BSX: variants seen among roughly 807,000 people sequenced by gnomAD.
The protein encoded by BSX is brain-specific homeobox protein homolog.
Under a neutral mutation model 16.9 loss-of-function variants are expected in BSX, and 12 were observed. The observed-to-expected ratio is 0.71, with a 90% CI of 0.46 to 1.15. The LOEUF (loss-of-function observed/expected upper bound fraction) is 1.15, where lower values mean the gene tolerates loss of function less well. Among genes scored for constraint, BSX ranks in the 50% most tolerant of loss-of-function variants. The pLI, the probability that BSX is intolerant of heterozygous loss-of-function variation, is 0.00. For synonymous variants in BSX, 160 were observed against 136.4 expected, an observed-to-expected ratio of 1.17 and a Z score of -1.20; for missense variants, 292 against 311.8, an observed-to-expected ratio of 0.94 and a Z score of 0.48.
At chr11:122,978,795 C>CTTTTTTTTTTTT (rs35567142) in intron 2 of BSX, among the ~76,000 whole-genome samples, 36 of 64,776 alleles carry the variant, frequency 5.6e-4, no homozygotes, top group East Asian at 1.1e-3. Flanking sequence ...TTTTTCTTTT[C>CTTTTTTTTTTTT]TTTTTTTTTT....
intron 2 of BSX, among the ~76,000 whole-genome samples, chr11:122,978,146 C>CTAA (rs1864521338): frequency 6.6e-6 from 1 of 152,148 alleles, no homozygotes; most frequent in Non-Finnish European, 1.5e-5. Context: ...ATTAGAACTA[C>CTAA]TAATAGTAGG....
At chr11:122,979,825 G>C (rs2135401166) in intron 1 of BSX, among the ~76,000 whole-genome samples, 1 of 152,262 alleles carries the variant, frequency 6.6e-6, no homozygotes, top group South Asian at 2.1e-4. Context: ...GCCTGGCCAA[G>C]TTTTTTGCAA....
Position 122,979,420 on chromosome 11 carries a change from G to T in BSX, c.300C>A (p.His100Gln). The T allele has an allele frequency of 6.2e-7, 1 of 1,613,420 alleles. No individual in the cohort carries two copies. Among genetic ancestry groups the T allele is most frequent in the East Asian group, 2.2e-5 (1 of 44,856 alleles). The change falls in exon 2 of 3, where the codon CAC becomes CAA. Residue 100 changes from histidine (H) to glutamine (Q), a missense_variant. Physicochemically the swap from His to Gln is conservative, Grantham distance 24. Around this residue, in one of 3 missense-constraint regions of BSX, gnomAD observed 176 missense variants for 187.2 expected, o/e 0.94. Transcript: ENST00000343035. ...GGCAGTGCTTCCCCGGCAGCTCCGCGTGCTGCGGGTGCGGGAACAGCGCTG... is the reference window on the plus strand; with the variant it reads ...GGCAGTGCTTCCCCGGCAGCTCCGCTTGCTGCGGGTGCGGGAACAGCGCTG... The part of the protein sequence containing the change: ...PVPALFPHPQ[H>Q]AELPGKHCRR...
rs375774927 is a variant in BSX at position 122,979,365 on chromosome 11, C to T, written c.355G>A (p.Asp119Asn). 6.8e-6 allele frequency: 11 copies of T among 1,614,028 alleles called. No homozygotes were observed. Among genetic ancestry groups the T allele is most frequent in the Admixed American group, 1.7e-5 (1 of 60,014 alleles). The change falls in exon 2 of 3, where the codon GAC becomes AAC. Residue 119 changes from aspartate (D) to asparagine (N), a missense_variant. By Grantham distance (23) the Asp-to-Asn change is conservative (BLOSUM62 1). Coordinates refer to ENST00000343035, the MANE Select transcript of BSX (RefSeq NM_001098169.2). Reference protein sequence around the residue: ...RRRKARTVFSDSQLSGLEKRF... With the variant: ...RRRKARTVFSNSQLSGLEKRF... ...TTCTCCAAGCCCGAGAGCTGCGAGT[C>T]AGAGAAAACCGTGCGGGCTTTGCGG...
Position 122,981,598 on chromosome 11 carries a change from A to T in BSX, c.74T>A (p.Ile25Asn). ...QRPTSFFIED[I>N]LLHKPKPLRE... ...CAGCGGCTTGGGCTTGTGCAGCAGG[A>T]TGTCCTCGATGAAGAAGGATGTGGG... Residue 25 changes from isoleucine (I) to asparagine (N), a missense_variant, in exon 1 of 3, where the codon ATC (isoleucine) becomes AAC (asparagine). Physicochemically the swap from Ile to Asn is moderately radical, Grantham distance 149. This residue lies in a region of BSX where 176 missense variants were observed against 187.2 expected (regional missense o/e 0.94). Transcript: ENST00000343035. The T allele has an allele frequency of 6.3e-7, 1 of 1,598,338 alleles. No individual in the cohort carries two copies. Among genetic ancestry groups the T allele is most frequent in the Non-Finnish European group, 8.5e-7 (1 of 1,172,748 alleles).
At chr11:122,979,574 A>G in intron 1 of BSX, 117 bp from the exon 2 acceptor site, 3 of 796,742 alleles carry the variant, frequency 3.8e-6, no homozygotes, top group Non-Finnish European at 5.8e-6. Context: ...CGCCTCCGTC[A>G]GTCTGCTCGC....
rs1222461481 is a variant in BSX, at chr11:122,979,427, G to GC, written c.292_293insG (p.Pro98ArgfsTer22). On this transcript the variant is annotated frameshift_variant, in exon 2 of 3. Coordinates refer to ENST00000343035, the MANE Select transcript of BSX (RefSeq NM_001098169.2). LOFTEE classifies it high-confidence loss of function. ...CTTCCCCGGCAGCTCCGCGTGCTGC[G>GC]GGTGCGGGAACAGCGCTGGGACTGG... The GC allele has an allele frequency of 6.2e-7, 1 of 1,613,284 alleles. No individual in the cohort carries two copies.
At position 122,977,722 on chromosome 11, in the gene BSX, A is replaced by G; in HGVS notation, c.629T>C (p.Val210Ala). 1 of 1,613,148 alleles carries G rather than the reference A, an allele frequency of 6.2e-7. No homozygotes were observed. The highest frequency in any genetic ancestry group is 8.5e-7 in the Non-Finnish European group (1 of 1,179,764). The part of the protein sequence containing the change: ...ARLSLPAGPF[V>A]LTEPEDEVDI... ...CACCTCGTCCTCTGGCTCGGTCAGC[A>G]CGAAGGGACCGGCGGGCAGGCTCAG... The change falls in exon 3 of 3, where the codon GTG becomes GCG. Residue 210 changes from valine to alanine, a missense_variant. Transcript: ENST00000343035. The surrounding 1 kb of genome is among the most constrained non-coding windows in gnomAD (Gnocchi z 4.5).
At position 122,977,638 on chromosome 11, in the gene BSX, A is replaced by T. The variant is rs2135399540; in HGVS notation, c.*11T>A. 6.2e-7 allele frequency: 1 copy of T among 1,604,784 alleles called. No homozygotes were observed. Among genetic ancestry groups the T allele is most frequent in the Middle Eastern group, 2.0e-4 (1 of 5,010 alleles). ...TCCTCCCCTGCCTACTACCCTCCCC[A>T]GCCTGGCGGCTCAGAGCACGTGCGG... On this transcript the variant is annotated 3_prime_UTR_variant, in exon 3 of 3. Coordinates refer to ENST00000343035, the MANE Select transcript of BSX (RefSeq NM_001098169.2). The surrounding 1 kb of genome is among the most constrained non-coding windows in gnomAD (Gnocchi z 4.5).
Position 122,981,812 on chromosome 11 carries a change from G to A in BSX, c.-141C>T. The A allele has an allele frequency of 1.1e-6, 1 of 880,170 alleles. No homozygotes were observed. Among genetic ancestry groups the A allele is most frequent in the Non-Finnish European group, 1.7e-6 (1 of 598,144 alleles). 54.5% of individuals were successfully genotyped at this position (880,170 alleles called of 1,614,324 possible). A position where few individuals can be genotyped will look rare whatever the true frequency, so the allele number is the denominator to read the frequency against. On this transcript the variant is annotated 5_prime_UTR_variant, in exon 1 of 3. Transcript: ENST00000343035. Reference sequence around the variant, plus strand: ...CTCTCTCCCGGGCCTGGGCTACCCCGGGCGCTGGAGAGGCAAGAAGACAAG... The same window carrying A: ...CTCTCTCCCGGGCCTGGGCTACCCCAGGCGCTGGAGAGGCAAGAAGACAAG...
chr11:122,980,546 T>C (rs2135401559), intron 1 of BSX, among the ~76,000 whole-genome samples: 1 of 152,194 alleles, frequency 6.6e-6, no homozygotes, highest in Middle Eastern at 3.4e-3. Flanking sequence ...TGTTGCCGCC[T>C]CTGAGCTATG....
At position 122,979,426 on chromosome 11, in the gene BSX, C is replaced by A. The variant is rs369683033; in HGVS notation, c.294G>T (p.Pro98=). Residue 98 remains proline, a synonymous_variant, in exon 2 of 3, where the codon CCG becomes CCT. Coordinates refer to ENST00000343035, the MANE Select transcript of BSX (RefSeq NM_001098169.2). ...GMPVPALFPH[P]QHAELPGKHC... ...GCTTCCCCGGCAGCTCCGCGTGCTG[C>A]GGGTGCGGGAACAGCGCTGGGACTG... 1.7e-4 allele frequency: 273 copies of A among 1,613,060 alleles called. 3 individuals carry two copies. The highest frequency in any genetic ancestry group is 1.7e-3 in the Admixed American group (101 of 59,958).
Position 122,977,575 on chromosome 11 carries a change from T to G in BSX, c.*74A>C, listed in dbSNP as rs1864510952. ...CCGCCACGAGACTGGAGTCTGAGTC[T>G]TCCGGTCCAGGAGGGAACCGCGCTC... On this transcript the variant is annotated 3_prime_UTR_variant, in exon 3 of 3. Coordinates refer to ENST00000343035, the MANE Select transcript of BSX (RefSeq NM_001098169.2). This position sits in a 1 kb window ranked among gnomAD's most constrained non-coding sequence, Gnocchi z 4.5. 1.8e-5 allele frequency: 27 copies of G among 1,509,498 alleles called. No homozygotes were observed. Among genetic ancestry groups the G allele is most frequent in the Non-Finnish European group, 2.2e-5 (25 of 1,135,878 alleles). The allele number at this position is 1,509,498 out of a possible 1,614,324, so 93.5% of individuals were successfully genotyped here.
intron 1 of BSX, among the ~76,000 whole-genome samples, chr11:122,979,683 T>C (rs1439275755): frequency 1.3e-5 from 2 of 149,000 alleles, no homozygotes; most frequent in Non-Finnish European, 3.0e-5. Context: ...ATCTGGAAAG[T>C]CATCTAGAAA....
chr11:122,979,954 C>T (rs1864548682), intron 1 of BSX, among the ~76,000 whole-genome samples: 2 of 152,050 alleles, frequency 1.3e-5, no homozygotes, highest in Non-Finnish European at 2.9e-5. Context: ...TGCCTCCAAA[C>T]CTTACTGAAA....
Position 122,979,424 on chromosome 11 carries a change from T to C in BSX, c.296A>G (p.Gln99Arg), listed in dbSNP as rs1285248435. 6.2e-7 allele frequency: 1 copy of C among 1,613,358 alleles called. No homozygotes were observed. Reference sequence around the variant, plus strand: ...GTGCTTCCCCGGCAGCTCCGCGTGCTGCGGGTGCGGGAACAGCGCTGGGAC... The same window carrying C: ...GTGCTTCCCCGGCAGCTCCGCGTGCCGCGGGTGCGGGAACAGCGCTGGGAC... ...MPVPALFPHP[Q>R]HAELPGKHCR... Residue 99 changes from glutamine to arginine, a missense_variant, in exon 2 of 3, where the codon CAG becomes CGG. Coordinates refer to ENST00000343035, the MANE Select transcript of BSX (RefSeq NM_001098169.2).
chr11:122,979,550 C>G, intron 1 of BSX, 93 bp from the exon 2 acceptor site: 3 of 1,094,098 alleles, frequency 2.7e-6, no homozygotes, highest in Non-Finnish European at 3.9e-6. Context: ...CCCCCAGTGC[C>G]TTCCTCCGCC....
chr11:122,980,803 A>AAATGTTAG lies in BSX; in HGVS notation c.262+599_262+606dup, dbSNP rs1471503130. ...GTAGCCCAGACTAAGATTGTGAGTT[A>AAATGTTAG]AATGTTAGATGTTGAGGATGCGGAG... On this transcript the variant is annotated intron_variant, in intron 1 of 2. Coordinates refer to ENST00000343035, the MANE Select transcript of BSX (RefSeq NM_001098169.2). Among the ~76,000 whole-genome samples, 3 of 152,130 alleles carry AAATGTTAG rather than the reference A, an allele frequency of 2.0e-5. No individual in the cohort carries two copies. In the East Asian group the frequency reaches 5.8e-4, roughly 29 times the overall value.
At chr11:122,979,134 G>A (rs896947831) in intron 2 of BSX, 127 bp downstream of exon 2, 5 of 959,148 alleles carry the variant, frequency 5.2e-6, no homozygotes, top group South Asian at 1.9e-5. Context: ...AAGCTCTTGG[G>A]AAAGGCTTAG....
Sources: allele counts gnomAD v4.1 joint callset (sites outside exome capture counted in the v4.1 genomes callset), GRCh38; gene constraint gnomAD v4.1.1; regional missense constraint gnomAD v4.1.1; non-coding constraint Gnocchi (gnomAD v3.1); transcripts MANE v1.5; gene names NCBI Gene and HGNC (gene_info 2026-07-23, HGNC 2026-07-21).